FAR2: variants seen among roughly 807,000 people sequenced by gnomAD.
The protein encoded by FAR2 is epididymis secretory protein Li 81.
Under a neutral mutation model 56.0 loss-of-function variants are expected in FAR2, and 19 were observed. That is an observed-to-expected ratio of 0.34 (90% CI 0.24 to 0.50). The LOEUF (loss-of-function observed/expected upper bound fraction) is 0.50. Among genes scored for constraint, FAR2 ranks in the 20% least tolerant of loss-of-function variants. The pLI is 0.98. For missense variants in FAR2, 508 were observed against 642.2 expected, an observed-to-expected ratio of 0.79 and a Z score of 2.26; for synonymous variants, 219 against 218.8, an observed-to-expected ratio of 1.00 and a Z score of -0.01.
Position 29,194,415 on chromosome 12 carries a change from A to G in FAR2, c.-39+45008A>G, listed in dbSNP as rs1404005466. On this transcript the variant is annotated intron_variant, in intron 1 of 11. Transcript: ENST00000536681. ...ACTGATATGATTGTGCCTGCATTCC[A>G]TGAGACCCACTTTCTAAGATCATGT... Among the ~76,000 whole-genome samples the G allele has an allele frequency of 2.6e-5, 4 of 151,934 alleles. No individual in the cohort carries two copies. In the East Asian group the frequency reaches 7.7e-4, roughly 29 times the overall value.
intron 1 of FAR2, among the ~76,000 whole-genome samples, chr12:29,261,848 T>C (rs940727503): frequency 6.6e-6 from 1 of 152,088 alleles, no homozygotes; most frequent in Non-Finnish European, 1.5e-5. Context: ...AAAGGAGAAA[T>C]AAAGACCTTC....
At chr12:29,247,998 A>T (rs1437943808) in intron 1 of FAR2, among the ~76,000 whole-genome samples, 1 of 152,212 alleles carries the variant, frequency 6.6e-6, no homozygotes, top group Non-Finnish European at 1.5e-5. Context: ...ATTCATTTGA[A>T]AGGATATCTC....
chr12:29,184,617 A>G (rs917441744), intron 1 of FAR2, among the ~76,000 whole-genome samples: 6 of 151,400 alleles, frequency 4.0e-5, no homozygotes, highest in African/African-American at 1.5e-4. Context: ...TTCTATTTTT[A>G]GTAGAGACAG....
chr12:29,169,863 T>C (rs1400537110), intron 1 of FAR2, among the ~76,000 whole-genome samples: 1 of 152,210 alleles, frequency 6.6e-6, no homozygotes, highest in African/African-American at 2.4e-5. Flanking sequence ...CCTAACCGTA[T>C]AAGTAGGGGT....
chr12:29,276,741 T>G (rs1404404359), intron 2 of FAR2, among the ~76,000 whole-genome samples: 2 of 152,078 alleles, frequency 1.3e-5, no homozygotes, highest in Non-Finnish European at 2.9e-5. Context: ...CCCTTTGAAA[T>G]TGAAAATTCA....
intron 1 of FAR2, among the ~76,000 whole-genome samples, chr12:29,213,305 C>G (rs1947575827): frequency 6.6e-6 from 1 of 152,030 alleles, no homozygotes; most frequent in South Asian, 2.1e-4. Context: ...AAATTCACTG[C>G]AGAGGCCATA....
At chr12:29,216,689 G>T (rs1274708168) in intron 1 of FAR2, among the ~76,000 whole-genome samples, 1 of 152,090 alleles carries the variant, frequency 6.6e-6, no homozygotes, top group African/African-American at 2.4e-5. Flanking sequence ...CTTTTCAGGG[G>T]TTTTATTTTT....
In FAR2 at chr12:29,297,222, A is replaced by G. The variant is rs778978059; in HGVS notation, c.545+22A>G. 1.1e-5 allele frequency: 17 copies of G among 1,597,448 alleles called. No individual in the cohort carries two copies. In the East Asian group the frequency reaches 3.4e-4, roughly 31 times the overall value. ...TTGAGTAAGTTGGTCTAATAAAAGG[A>G]TCAAGGGGCGGGTAGAATAAGTTCC... On this transcript the variant is annotated intron_variant, in intron 4 of 11. Transcript: ENST00000536681.
intron 1 of FAR2, among the ~76,000 whole-genome samples, chr12:29,256,651 G>A (rs867392667): frequency 5.3e-5 from 8 of 152,232 alleles, no homozygotes; most frequent in Non-Finnish European, 1.0e-4. Flanking sequence ...AGGGAGAGGC[G>A]CGGGCGGGAA....
At chr12:29,260,481 G>A (rs1307127285) in intron 1 of FAR2, among the ~76,000 whole-genome samples, 2 of 152,158 alleles carry the variant, frequency 1.3e-5, no homozygotes, top group Non-Finnish European at 2.9e-5. Context: ...TCTGCCACAG[G>A]ATTTATTGTG....
Position 29,276,072 on chromosome 12 carries a change from C to T in FAR2, c.189+5434C>T, listed in dbSNP as rs1048019818. Among the ~76,000 whole-genome samples the T allele has an allele frequency of 1.5e-4, 23 of 152,216 alleles. No individual in the cohort carries two copies. The South Asian group carries it at 2.3e-3, about 15-fold the overall frequency. On this transcript the variant is annotated intron_variant, in intron 2 of 11. Coordinates refer to ENST00000536681, the MANE Select transcript of FAR2 (RefSeq NM_001271783.2). Reference sequence around the variant, plus strand: ...ACAGACCTGGGTGTGAATCTCCATACGACCAATTGTGAGTTGTGTGATAGT... The same window carrying T: ...ACAGACCTGGGTGTGAATCTCCATATGACCAATTGTGAGTTGTGTGATAGT...
At chr12:29,258,273 T>A (rs1948360739) in intron 1 of FAR2, among the ~76,000 whole-genome samples, 1 of 151,988 alleles carries the variant, frequency 6.6e-6, no homozygotes, top group African/African-American at 2.4e-5. Flanking sequence ...GAGAATTGCT[T>A]GAACCCTGGA....
At chr12:29,171,058 G>C (rs897642948) in intron 1 of FAR2, among the ~76,000 whole-genome samples, 20 of 152,386 alleles carry the variant, frequency 1.3e-4, no homozygotes, top group African/African-American at 4.8e-4. Flanking sequence ...AGTGACAACT[G>C]AGGAGGTGGA....
intron 10 of FAR2, among the ~76,000 whole-genome samples, chr12:29,330,768 T>G (rs1302761510): frequency 6.6e-6 from 1 of 152,202 alleles, no homozygotes; most frequent in African/African-American, 2.4e-5. Flanking sequence ...GTTAACAAAC[T>G]TGACCTTTAG....
rs190508771 is a variant in FAR2, at chr12:29,224,146, G to T, written c.-38-46266G>T. Among the ~76,000 whole-genome samples the T allele has an allele frequency of 4.3e-3, 657 of 152,302 alleles. 5 individuals carry two copies. Among genetic ancestry groups the T allele is most frequent in the African/African-American group, 0.015 (626 of 41,562 alleles). On this transcript the variant is annotated intron_variant, in intron 1 of 11. Transcript: ENST00000536681. ...TACTTGGTTCACCTTGTGCTGTGAA[G>T]TCCAAGCCAAATAATTGTTGCAAGT...
At chr12:29,315,473 TTC>T (rs1308666666) in intron 8 of FAR2, among the ~76,000 whole-genome samples, 1 of 152,162 alleles carries the variant, frequency 6.6e-6, no homozygotes, top group Non-Finnish European at 1.5e-5. Flanking sequence ...CTGTAATATA[TTC>T]TGAGTTACAT....
At chr12:29,305,598 A>G (rs1171404263) in intron 4 of FAR2, among the ~76,000 whole-genome samples, 1 of 152,176 alleles carries the variant, frequency 6.6e-6, no homozygotes, top group Non-Finnish European at 1.5e-5. Flanking sequence ...GATAATTTAG[A>G]ATGAGTATAA....
At chr12:29,203,648 G>C (rs993250388) in intron 1 of FAR2, among the ~76,000 whole-genome samples, 1 of 152,070 alleles carries the variant, frequency 6.6e-6, no homozygotes, top group Non-Finnish European at 1.5e-5. Flanking sequence ...GATACAATTG[G>C]GCATGGTGTG....
intron 4 of FAR2, among the ~76,000 whole-genome samples, chr12:29,304,844 T>C (rs1949231108): frequency 6.6e-6 from 1 of 152,196 alleles, no homozygotes; most frequent in Non-Finnish European, 1.5e-5. Context: ...TCTTCTTGAG[T>C]ATACTGGAGG....
Sources: allele counts gnomAD v4.1 joint callset (sites outside exome capture counted in the v4.1 genomes callset), GRCh38; gene constraint gnomAD v4.1.1; transcripts MANE v1.5; gene names NCBI Gene and HGNC (gene_info 2026-07-23, HGNC 2026-07-21).